Variants in BRIP1 observed in about 807,000 individuals in gnomAD.
BRIP1 encodes Fanconi anemia group J protein.
Under a neutral mutation model 119.7 loss-of-function variants are expected in BRIP1, and 88 were observed. That is an observed-to-expected ratio of 0.74 (90% CI 0.62 to 0.88). The LOEUF is 0.88. BRIP1 is among the 40% of genes least tolerant of loss of function. BRIP1 has a pLI of 0.00. For missense variants in BRIP1, 1,259 were observed against 1,455.4 expected (o/e 0.87, Z 2.20); for synonymous variants, 443 against 496.5 (o/e 0.89, Z 1.43).
chr17:61,830,438 A>C (rs1209146989), intron 6 of BRIP1, among the ~76,000 whole-genome samples: 1 of 142,558 alleles, frequency 7.0e-6, no homozygotes, highest in Non-Finnish European at 1.5e-5. Context: ...TAGATTAAGC[A>C]AAAAAAAGGA....
rs183928474 is a variant in BRIP1 at position 61,683,822 on chromosome 17, G to A, written c.3224C>T (p.Ser1075Leu). 6.2e-6 allele frequency: 10 copies of A among 1,614,152 alleles called. No individual in the cohort carries two copies. In the Admixed American group the frequency reaches 1.5e-4, roughly 24 times the overall value. The change falls in exon 20 of 20, where the codon TCA (serine) becomes TTA (leucine). Residue 1075 changes from serine (S) to leucine (L), a missense_variant. Transcript: ENST00000259008. This position sits in a 1 kb window ranked among gnomAD's most constrained non-coding sequence, Gnocchi z 4.7. The stretch of plus-strand genomic sequence containing the variant: ...AAGGGTGGCATCAATCTTTAATGAT[G>A]AAATAATGGTTTCTGATTGAGGGCA... ...GSCPQSETII[S>L]SLKIDATLTR...
chr17:61,812,880 T>A (rs2078184264), intron 6 of BRIP1, among the ~76,000 whole-genome samples: 1 of 152,154 alleles, frequency 6.6e-6, no homozygotes, highest in Non-Finnish European at 1.5e-5. Context: ...TTGCCACTGT[T>A]CCTTTCACAA....
In BRIP1 at chr17:61,795,729, T is replaced by C. The variant is rs2077889403; in HGVS notation, c.1341-2000A>G. Among the ~76,000 whole-genome samples the C allele has an allele frequency of 6.6e-6, 1 of 152,152 alleles. No individual in the cohort carries two copies. Among genetic ancestry groups the C allele is most frequent in the Admixed American group, 6.6e-5 (1 of 15,260 alleles). ...TGCAGCAAACATGGGAGTATAGCTA[T>C]ACCTTTGATATACTGATTTCCTTTA... On this transcript the variant is annotated intron_variant, in intron 9 of 19. Coordinates refer to ENST00000259008, the MANE Select transcript of BRIP1 (RefSeq NM_032043.3). This position sits in a 1 kb window ranked among gnomAD's most constrained non-coding sequence, Gnocchi z 5.6.
At position 61,703,873 on chromosome 17, in the gene BRIP1, C is replaced by T. The variant is rs144852163; in HGVS notation, c.2493-10361G>A. Among the ~76,000 whole-genome samples the T allele has an allele frequency of 9.1e-3, 1,390 of 152,046 alleles. 19 individuals carry two copies. The highest frequency in any genetic ancestry group is 0.032 in the African/African-American group (1,337 of 41,470). ...CTTACGGCTAGCCAGTTAGGTCCCA[C>T]TTGTCAATTTTTGTTTTGTTGCAAT... On this transcript the variant is annotated intron_variant, in intron 17 of 19. Coordinates refer to ENST00000259008, the MANE Select transcript of BRIP1 (RefSeq NM_032043.3). The surrounding 1 kb of genome is among the most constrained non-coding windows in gnomAD (Gnocchi z 5.0).
chr17:61,784,809 C>G (rs1203431125), intron 10 of BRIP1, among the ~76,000 whole-genome samples: 1 of 152,176 alleles, frequency 6.6e-6, no homozygotes, highest in Admixed American at 6.5e-5. Context: ...TCCCCTTCAC[C>G]TTTTGCCATC....
In BRIP1 at chr17:61,799,122, C is replaced by T. The variant is rs2145300568; in HGVS notation, c.1318G>A (p.Ala440Thr). The T allele has an allele frequency of 6.2e-7, 1 of 1,613,338 alleles. No individual in the cohort carries two copies. The highest frequency in any genetic ancestry group is 8.5e-7 in the Non-Finnish European group (1 of 1,179,374). The change falls in exon 9 of 20, where the codon GCT (alanine) becomes ACT (threonine). Residue 440 changes from alanine (A) to threonine (T), a missense_variant. Coordinates refer to ENST00000259008, the MANE Select transcript of BRIP1 (RefSeq NM_032043.3). The surrounding 1 kb of genome is among the most constrained non-coding windows in gnomAD (Gnocchi z 5.1). ...IRKKDHEPLR[A>T]VCCSLINWLE... is the part of the protein sequence containing the mutation. The stretch of plus-strand genomic sequence containing the variant: ...TACTTAATGAGGCTACAGCACACAG[C>T]TCGTAGGGGTTCATGATCTTTCTTC...
chr17:61,686,128 A>G lies in BRIP1; in HGVS notation c.2613T>C (p.His871=), dbSNP rs199721657. Residue 871 remains histidine, a synonymous_variant, in exon 19 of 20, where the codon CAT becomes CAC. Coordinates refer to ENST00000259008, the MANE Select transcript of BRIP1 (RefSeq NM_032043.3). This position sits in a 1 kb window ranked among gnomAD's most constrained non-coding sequence, Gnocchi z 5.4. ...ATTCCAGTGCACTTTCAAAGGTTGA[A>G]TGGTGCTGAATCTGCTGCCGTACCC... ...SKWVRQQIQH[H]STFESALESL... 2 of 1,614,102 alleles carry G rather than the reference A, an allele frequency of 1.2e-6. No homozygotes were observed. The highest frequency in any genetic ancestry group is 1.7e-5 in the Admixed American group (1 of 60,028).
rs1361818073 is a variant in BRIP1 at position 61,824,526 on chromosome 17, A to T, written c.628-15769T>A. Among the ~76,000 whole-genome samples the T allele has an allele frequency of 2.6e-4, 39 of 152,202 alleles. 1 individual carries two copies. The highest frequency in any genetic ancestry group is 2.6e-3 in the Admixed American group (39 of 15,278). On this transcript the variant is annotated intron_variant, in intron 6 of 19. Coordinates refer to ENST00000259008, the MANE Select transcript of BRIP1 (RefSeq NM_032043.3). This position sits in a 1 kb window ranked among gnomAD's most constrained non-coding sequence, Gnocchi z 4.3. ...AAACCCCCACATATATGGTCAAATA[A>T]TTTTCAGCAGCCTATCAAGACCATT...
chr17:61,752,087 G>T lies in BRIP1; in HGVS notation c.2098-7496C>A, dbSNP rs2159448. ...TGGCCAGATGGAAGCTTCTAATGTA[G>T]AAATAATGTTCTATTTCTTAAGCTG... On this transcript the variant is annotated intron_variant, in intron 14 of 19. Coordinates refer to ENST00000259008, the MANE Select transcript of BRIP1 (RefSeq NM_032043.3). This position sits in a 1 kb window ranked among gnomAD's most constrained non-coding sequence, Gnocchi z 6.2. Among the ~76,000 whole-genome samples the T allele has an allele frequency of 1.3e-5, 2 of 152,042 alleles. No individual in the cohort carries two copies. The highest frequency in any genetic ancestry group is 4.8e-5 in the African/African-American group (2 of 41,398).
Position 61,693,297 on chromosome 17 carries a change from T to C in BRIP1, c.2575+133A>G. 1.2e-6 allele frequency: 1 copy of C among 826,074 alleles called. No homozygotes were observed. Among genetic ancestry groups the C allele is most frequent in the Non-Finnish European group, 2.0e-6 (1 of 500,550 alleles). The allele number at this position is 826,074 out of a possible 1,614,324, so 51.2% of individuals were successfully genotyped here. A position where few individuals can be genotyped will look rare whatever the true frequency, so the allele number is the denominator to read the frequency against. On this transcript the variant is annotated intron_variant, in intron 18 of 19. Coordinates refer to ENST00000259008, the MANE Select transcript of BRIP1 (RefSeq NM_032043.3). This position sits in a 1 kb window ranked among gnomAD's most constrained non-coding sequence, Gnocchi z 4.2. ...AAAGTTCTAGATATCTGCTGTGAAA[T>C]ACTGTGCTTATAGTTAACAATATTG...
chr17:61,829,688 T>C (rs1380913388), intron 6 of BRIP1, among the ~76,000 whole-genome samples: 2 of 152,036 alleles, frequency 1.3e-5, no homozygotes, highest in Non-Finnish European at 2.9e-5. Context: ...AAAAATAAAT[T>C]AGAACTCAGT....
chr17:61,763,998 A>C (rs1400336606), intron 14 of BRIP1, among the ~76,000 whole-genome samples: 2 of 152,214 alleles, frequency 1.3e-5, no homozygotes, highest in African/African-American at 4.8e-5. Flanking sequence ...GGCATATAAA[A>C]TACTACCCAA....
intron 14 of BRIP1, among the ~76,000 whole-genome samples, chr17:61,750,789 A>G (rs989847058): frequency 1.3e-5 from 2 of 152,130 alleles, no homozygotes; most frequent in Non-Finnish European, 2.9e-5. Context: ...CAAAACCACA[A>G]TGAAGTCCCA....
Position 61,774,122 on chromosome 17 carries a change from A to C in BRIP1, c.2097+2279T>G, listed in dbSNP as rs1031639309. Among the ~76,000 whole-genome samples, 2 of 152,216 alleles carry C rather than the reference A, an allele frequency of 1.3e-5. No homozygotes were observed. The highest frequency in any genetic ancestry group is 2.9e-5 in the Non-Finnish European group (2 of 68,038). ...AAGGATTATAAATCATGCTACTATA[A>C]AGACACATGCATACGTATATTTATT... On this transcript the variant is annotated intron_variant, in intron 14 of 19. Transcript: ENST00000259008. The surrounding 1 kb of genome is among the most constrained non-coding windows in gnomAD (Gnocchi z 5.8).
rs988458833 is a variant in BRIP1, at chr17:61,796,944, CTT to C, written c.1340+2154_1340+2155del. On this transcript the variant is annotated intron_variant, in intron 9 of 19. Coordinates refer to ENST00000259008, the MANE Select transcript of BRIP1 (RefSeq NM_032043.3). This position sits in a 1 kb window ranked among gnomAD's most constrained non-coding sequence, Gnocchi z 4.8. Reference sequence around the variant, plus strand: ...GGATATTATTAAGGATAGTATTTAACTTTTTTACTTGAGGAACTGGTACATAC... The same window carrying C: ...GGATATTATTAAGGATAGTATTTAACTTTTACTTGAGGAACTGGTACATAC... 3.9e-5 allele frequency among the ~76,000 whole-genome samples: 6 copies of C among 151,928 alleles called. No individual in the cohort carries two copies. The highest frequency in any genetic ancestry group is 1.4e-4 in the African/African-American group (6 of 41,398).
At position 61,780,972 on chromosome 17, in the gene BRIP1, CT is replaced by C. The variant is rs749762964; in HGVS notation, c.1661del (p.Gln554ArgfsTer36). ...FADDYKIAIQ[Q>X]TYSWTNQIDI... ...CAATCTGATTTGTCCAGGAGTAAGT[CT>C]GTTGAATCGCAATTTTATAATCATC... On this transcript the variant is annotated frameshift_variant, in exon 12 of 20. Coordinates refer to ENST00000259008, the MANE Select transcript of BRIP1 (RefSeq NM_032043.3). LOFTEE classifies it high-confidence loss of function. This position sits in a 1 kb window ranked among gnomAD's most constrained non-coding sequence, Gnocchi z 5.4. 6.2e-7 allele frequency: 1 copy of C among 1,614,010 alleles called. No homozygotes were observed. Among genetic ancestry groups the C allele is most frequent in the African/African-American group, 1.3e-5 (1 of 75,036 alleles).
intron 16 of BRIP1, among the ~76,000 whole-genome samples, chr17:61,731,989 T>TC (rs1460441704): frequency 8.6e-4 from 118 of 137,086 alleles, no homozygotes; most frequent in African/African-American, 3.1e-3. Flanking sequence ...TTCTTTTTTT[T>TC]TTTTTTTTTT....
In BRIP1 at chr17:61,842,553, A is replaced by T. The variant is rs2078672659; in HGVS notation, c.627+4548T>A. On this transcript the variant is annotated intron_variant, in intron 6 of 19. Transcript: ENST00000259008. This position sits in a 1 kb window ranked among gnomAD's most constrained non-coding sequence, Gnocchi z 5.1. ...ACATGTATGAAAATTATCACACTGAATCCCATAAGTATGTATAATTATTAT... is the reference window on the plus strand; with the variant it reads ...ACATGTATGAAAATTATCACACTGATTCCCATAAGTATGTATAATTATTAT... Among the ~76,000 whole-genome samples, 1 of 152,226 alleles carries T rather than the reference A, an allele frequency of 6.6e-6. No homozygotes were observed. The highest frequency in any genetic ancestry group is 2.4e-5 in the African/African-American group (1 of 41,460).
intron 10 of BRIP1, among the ~76,000 whole-genome samples, chr17:61,785,932 G>GT (rs936758349): frequency 6.6e-6 from 1 of 151,864 alleles, no homozygotes; most frequent in African/African-American, 2.4e-5. Flanking sequence ...CTGGGTTGGG[G>GT]GGGGTAGAAA....
Sources: gnomAD v4.1 joint callset for allele counts (sites outside exome capture counted in the v4.1 genomes callset) on GRCh38, gnomAD v4.1.1 for gene constraint, Gnocchi (gnomAD v3.1) non-coding constraint, MANE v1.5 for transcripts, NCBI Gene and HGNC (gene_info 2026-07-23, HGNC 2026-07-21) for gene names.